The following RNLS variants were observed in gnomAD, a reference collection of about 807,000 sequenced individuals.
The protein encoded by RNLS is renalase.
A neutral mutation model predicts 39.8 loss-of-function variants in RNLS; 39 were observed. The observed-to-expected ratio is 0.98, with a 90% confidence interval of 0.76 to 1.28. The LOEUF (loss-of-function observed/expected upper bound fraction) is 1.28. Ranked by LOEUF, RNLS falls within the 50% of genes most tolerant of loss-of-function variation. RNLS has a pLI of 0.00. For missense variants in RNLS, 410 were observed against 413.3 expected (o/e 0.99, Z 0.07); for synonymous variants, 147 against 150.7 (o/e 0.98, Z 0.18).
chr10:88,481,550 A>G (rs185160251), intron 4 of RNLS, among the ~76,000 whole-genome samples: 156 of 152,294 alleles, frequency 1.0e-3, no homozygotes, highest in Non-Finnish European at 1.5e-3. Flanking sequence ...AATAATAAAT[A>G]ATTGTCGTGA....
At chr10:88,354,184 G>C (rs1301870246) in intron 5 of RNLS, among the ~76,000 whole-genome samples, 1 of 152,158 alleles carries the variant, frequency 6.6e-6, no homozygotes, top group Non-Finnish European at 1.5e-5. Context: ...GCCAGTCTCT[G>C]TCTTTTGATT....
intron 3 of RNLS, among the ~76,000 whole-genome samples, chr10:88,575,159 T>TATATACACACAC (rs1386414416): frequency 1.4e-4 from 6 of 43,398 alleles, no homozygotes; most frequent in African/African-American, 4.3e-4. Flanking sequence ...TATATATATA[T>TATATACACACAC]ACACACACAC....
At chr10:88,269,296 G>A (rs1303739579), downstream of RNLS, among the ~76,000 whole-genome samples, 1 of 152,162 alleles carries the variant, frequency 6.6e-6, no homozygotes, top group Non-Finnish European at 1.5e-5. Flanking sequence ...TCTGAATCAA[G>A]GAGTATTTAC....
chr10:88,563,534 TG>T (rs1849314036), intron 4 of RNLS, among the ~76,000 whole-genome samples: 1 of 152,170 alleles, frequency 6.6e-6, no homozygotes, highest in African/African-American at 2.4e-5. Context: ...AAAAATCCAC[TG>T]AACAATTTCA....
At chr10:88,446,589 T>C (rs901280470) in intron 4 of RNLS, among the ~76,000 whole-genome samples, 3 of 150,990 alleles carry the variant, frequency 2.0e-5, no homozygotes, top group African/African-American at 7.3e-5. Flanking sequence ...AAGAAGAAAA[T>C]AGAGGAGAAT....
chr10:88,335,910 A>G (rs1051284344), intron 5 of RNLS, among the ~76,000 whole-genome samples: 7 of 152,234 alleles, frequency 4.6e-5, no homozygotes, highest in African/African-American at 1.7e-4. Flanking sequence ...CATTTCTAAT[A>G]GTAACTACTT....
intron 4 of RNLS, among the ~76,000 whole-genome samples, chr10:88,452,797 C>T (rs963628195): frequency 1.1e-4 from 16 of 152,136 alleles, no homozygotes; most frequent in African/African-American, 3.1e-4. Context: ...GGCACAGGTT[C>T]GGCTGCTGCT....
chr10:88,318,816 T>C (rs1257859663), intron 5 of RNLS, among the ~76,000 whole-genome samples: 1 of 152,210 alleles, frequency 6.6e-6, no homozygotes, highest in Non-Finnish European at 1.5e-5. Context: ...CTGGCATTCC[T>C]GCCTGGTCAG....
intron 4 of RNLS, 45 bp from the exon 5 acceptor site, chr10:88,362,770 T>C (rs755655172): frequency 6.3e-7 from 1 of 1,574,906 alleles, no homozygotes; most frequent in South Asian, 1.2e-5. Context: ...AAATACCATC[T>C]TTCCTTTTAG....
downstream of RNLS, among the ~76,000 whole-genome samples, chr10:88,270,176 T>C (rs766790583): frequency 9.2e-5 from 14 of 152,188 alleles, no homozygotes; most frequent in Non-Finnish European, 2.1e-4. Flanking sequence ...CAATGACACT[T>C]ATTTCTACCT....
intron 6 of RNLS, among the ~76,000 whole-genome samples, chr10:88,299,243 T>C (rs546874941): frequency 6.6e-6 from 1 of 152,238 alleles, no homozygotes; most frequent in African/African-American, 2.4e-5. Context: ...TTCCTAATAG[T>C]GTCTTTCAAA....
At chr10:88,338,800 T>TTGCCAGGC (rs1847704833) in intron 5 of RNLS, among the ~76,000 whole-genome samples, 1 of 148,744 alleles carries the variant, frequency 6.7e-6, no homozygotes, top group African/African-American at 2.5e-5. Flanking sequence ...TCTCGCTCTG[T>TTGCCAGGC]TGCCAGGCTG....
At chr10:88,260,108 T>C in the RNLS span, among the ~76,000 whole-genome samples, 3 of 152,280 alleles carry the variant, frequency 2.0e-5, no homozygotes, top group African/African-American at 7.2e-5. Context: ...ATTCTAACAG[T>C]ACCCTACTCC....
the RNLS span, among the ~76,000 whole-genome samples, chr10:88,213,839 A>G: frequency 6.6e-6 from 1 of 152,140 alleles, no homozygotes; most frequent in Non-Finnish European, 1.5e-5. Context: ...GCCTAGTTTA[A>G]ATTTAGGTAT....
chr10:88,409,684 G>C (rs554367177), intron 4 of RNLS, among the ~76,000 whole-genome samples: 9 of 152,180 alleles, frequency 5.9e-5, no homozygotes, highest in African/African-American at 1.4e-4. Context: ...AAACATACAT[G>C]GTGGTGAGTA....
intron 4 of RNLS, among the ~76,000 whole-genome samples, chr10:88,499,816 A>C (rs1196095674): frequency 6.6e-6 from 1 of 152,110 alleles, no homozygotes; most frequent in Non-Finnish European, 1.5e-5. Flanking sequence ...AGTGGGCCCC[A>C]CTTATCATCC....
intron 4 of RNLS, among the ~76,000 whole-genome samples, chr10:88,368,072 A>G (rs1339355953): frequency 2.0e-5 from 3 of 151,420 alleles, no homozygotes; most frequent in Non-Finnish European, 4.4e-5. Flanking sequence ...CCAATAGCCT[A>G]CTTCAAGATC....
intron 5 of RNLS, among the ~76,000 whole-genome samples, chr10:88,348,116 C>T (rs1253779165): frequency 2.6e-5 from 4 of 152,086 alleles, no homozygotes; most frequent in Non-Finnish European, 5.9e-5. Context: ...TTACATTGGC[C>T]ATCCCTATCT....
downstream of RNLS, among the ~76,000 whole-genome samples, chr10:88,282,179 A>G (rs1843034798): frequency 6.6e-6 from 1 of 152,166 alleles, no homozygotes; most frequent in African/African-American, 2.4e-5. Context: ...TCCTGTATAT[A>G]TCACATCAGG....
Sources: gnomAD v4.1 joint callset for allele counts (sites outside exome capture counted in the v4.1 genomes callset) on GRCh38, gnomAD v4.1.1 for gene constraint, MANE v1.5 for transcripts, NCBI Gene and HGNC (gene_info 2026-07-23, HGNC 2026-07-21) for gene names.